SPP2: variants seen among roughly 807,000 people sequenced by gnomAD.
SPP2 encodes secreted phosphoprotein 24.
A neutral mutation model predicts 28.8 loss-of-function variants in SPP2; 34 were observed. The observed-to-expected ratio is 1.18, with a 90% CI of 0.90 to 1.57. The LOEUF (loss-of-function observed/expected upper bound fraction) is 1.57. Ranked by LOEUF, SPP2 falls within the 40% of genes most tolerant of loss-of-function variation. SPP2 has a pLI of 0.00. For synonymous variants in SPP2, 96 were observed against 89.4 expected (o/e 1.07, Z -0.42); for missense variants, 269 against 263.9 (o/e 1.02, Z -0.13).
intron 7 of SPP2, among the ~76,000 whole-genome samples, chr2:234,070,618 C>G (rs529678818): frequency 6.6e-6 from 1 of 152,112 alleles, no homozygotes. Context: ...CCTGCCACCA[C>G]GCTCAGCTAA....
rs1693663412 is a variant in SPP2, at chr2:234,058,930, C to T, written c.305C>T (p.Thr102Ile). 2 of 1,613,952 alleles carry T rather than the reference C, an allele frequency of 1.2e-6. No homozygotes were observed. Among genetic ancestry groups the T allele is most frequent in the Non-Finnish European group, 8.5e-7 (1 of 1,179,972 alleles). Reference sequence around the variant, plus strand: ...AAGGATTCTGGAGAAGATCCCGCTACATGTGCCTTCCAGAGGGACTACTAT... The same window carrying T: ...AAGGATTCTGGAGAAGATCCCGCTATATGTGCCTTCCAGAGGGACTACTAT... ...CRKDSGEDPA[T>I]CAFQRDYYVS... Residue 102 changes from threonine (T) to isoleucine (I), a missense_variant, in exon 3 of 8, where the codon ACA (threonine) becomes ATA (isoleucine). Transcript: ENST00000168148.
rs1559173877 is a variant in SPP2, at chr2:234,060,450, T to G, written c.415T>G (p.Ser139Ala). The G allele has an allele frequency of 6.2e-7, 1 of 1,613,788 alleles. No homozygotes were observed. The highest frequency in any genetic ancestry group is 8.5e-7 in the Non-Finnish European group (1 of 1,179,914). ...GCATGCTCGCTGCAGCTGGTCCTCC[T>G]CCACGTCTGAGTCTTACAGCAGCGA... ...GVHARCSWSS[S>A]TSESYSSEEM... Residue 139 changes from serine to alanine, a missense_variant, in exon 4 of 8, where the codon TCC (serine) becomes GCC (alanine). Ser to Ala is a moderately conservative substitution (Grantham distance 99, BLOSUM62 1). Transcript: ENST00000168148.
chr2:234,051,371 T>C (rs559191868), intron 2 of SPP2, among the ~76,000 whole-genome samples: 28 of 152,322 alleles, frequency 1.8e-4, no homozygotes, highest in African/African-American at 6.7e-4. Flanking sequence ...GTACTTGAAG[T>C]CCTCGCGATT....
chr2:234,060,088 G>A (rs999153794), intron 3 of SPP2, among the ~76,000 whole-genome samples: 6 of 152,170 alleles, frequency 3.9e-5, no homozygotes, highest in Admixed American at 6.5e-5. Flanking sequence ...CTTTTTGTCC[G>A]AATGAAAATT....
chr2:234,053,384 T>A (rs562590966), intron 2 of SPP2, among the ~76,000 whole-genome samples: 2 of 152,158 alleles, frequency 1.3e-5, no homozygotes, highest in African/African-American at 4.8e-5. Context: ...TACAGTTCAA[T>A]GGTTGTAGGG....
At chr2:234,060,514 C>G (rs1362192002) in intron 4 of SPP2, 35 bp downstream of exon 4, 10 of 1,526,668 alleles carry the variant, frequency 6.6e-6, no homozygotes, top group African/African-American at 1.4e-5. Context: ...CCAGACCGCA[C>G]CTCTTAGGGT....
intron 6 of SPP2, among the ~76,000 whole-genome samples, chr2:234,068,199 G>A (rs1693865663): frequency 6.6e-6 from 1 of 152,124 alleles, no homozygotes; most frequent in South Asian, 2.1e-4. Flanking sequence ...GGCATTAAAT[G>A]GCATATGCAA....
intron 7 of SPP2, among the ~76,000 whole-genome samples, chr2:234,074,777 T>C (rs943966857): frequency 1.3e-5 from 2 of 152,192 alleles, no homozygotes; most frequent in African/African-American, 4.8e-5. Flanking sequence ...CCTTGCTTTA[T>C]GTGTGTTTCT....
intron 7 of SPP2, among the ~76,000 whole-genome samples, chr2:234,073,929 G>T (rs1045560473): frequency 2.0e-5 from 3 of 152,180 alleles, no homozygotes; most frequent in African/African-American, 7.2e-5. Flanking sequence ...GCCCCTCTAT[G>T]CCTGGCCTCT....
At chr2:234,060,574 C>A in intron 4 of SPP2, 95 bp downstream of exon 4, 1 of 965,450 alleles carries the variant, frequency 1.0e-6, no homozygotes. Context: ...GCTGGATCAT[C>A]ACCTGGGCTT....
chr2:234,053,954 G>A (rs1693552658), intron 2 of SPP2, among the ~76,000 whole-genome samples: 1 of 152,128 alleles, frequency 6.6e-6, no homozygotes, highest in African/African-American at 2.4e-5. Context: ...AAGGGGAAGA[G>A]GAAGAGGACA....
chr2:234,059,102 G>GGGGGAA, intron 3 of SPP2, 144 bp downstream of exon 3: 1 of 990,830 alleles, frequency 1.0e-6, no homozygotes, highest in Non-Finnish European at 1.4e-6. Context: ...GTCCCCTGGT[G>GGGGGAA]GGGGAAGTGT....
chr2:234,071,860 T>A (rs1690795991), intron 7 of SPP2, among the ~76,000 whole-genome samples: 1 of 152,182 alleles, frequency 6.6e-6, no homozygotes. Flanking sequence ...GTCACTTCCC[T>A]TTGGAGGTCT....
At chr2:234,072,973 C>T (rs1406472781) in intron 7 of SPP2, among the ~76,000 whole-genome samples, 5 of 152,264 alleles carry the variant, frequency 3.3e-5, no homozygotes, top group Middle Eastern at 3.4e-3. Flanking sequence ...CTGAAAACTC[C>T]GCCTCCCAGG....
chr2:234,060,691 CCTCT>C (rs1693701886), intron 4 of SPP2, among the ~76,000 whole-genome samples: 1 of 151,598 alleles, frequency 6.6e-6, no homozygotes, highest in South Asian at 2.1e-4. Flanking sequence ...TCGTGTATGT[CCTCT>C]CTCTTTCTCT....
intron 6 of SPP2, among the ~76,000 whole-genome samples, 178 bp from the exon 7 acceptor site, chr2:234,069,750 G>A (rs747742272): frequency 6.6e-5 from 10 of 152,118 alleles, no homozygotes; most frequent in African/African-American, 1.2e-4. Context: ...ACACGGGGGA[G>A]AAGGAGAGAG....
intron 7 of SPP2, among the ~76,000 whole-genome samples, chr2:234,075,000 C>CAAAA (rs3078239): frequency 2.6e-5 from 3 of 116,956 alleles, no homozygotes; most frequent in African/African-American, 6.5e-5. Flanking sequence ...CACAAAAATG[C>CAAAA]AAAAAAAAAA....
At chr2:234,069,817 T>A (rs1693897455) in intron 6 of SPP2, 111 bp from the exon 7 acceptor site, 1 of 819,634 alleles carries the variant, frequency 1.2e-6, no homozygotes, top group African/African-American at 1.7e-5. Context: ...GGCAGATGGG[T>A]TCAGGTTATG....
chr2:234,051,861 A>T (rs1388501714), intron 2 of SPP2, among the ~76,000 whole-genome samples: 2 of 152,190 alleles, frequency 1.3e-5, no homozygotes, highest in East Asian at 3.9e-4. Context: ...ACACGGCTGA[A>T]GGTCCAGGCA....
Sources: gnomAD v4.1 joint callset for allele counts (sites outside exome capture counted in the v4.1 genomes callset) on GRCh38, gnomAD v4.1.1 for gene constraint, MANE v1.5 for transcripts, NCBI Gene and HGNC (gene_info 2026-07-23, HGNC 2026-07-21) for gene names.